GUCY2C: variants seen among roughly 807,000 people sequenced by gnomAD.
GUCY2C encodes the protein guanylate cyclase 2C, also known as guanylyl cyclase C.
In GUCY2C, 118 loss-of-function variants were observed where a neutral mutation model predicts 131.1. The observed-to-expected ratio is 0.90, with a 90% confidence interval of 0.78 to 1.05. GUCY2C has a LOEUF of 1.05. Ranked by LOEUF, GUCY2C falls within the 50% of genes least tolerant of loss-of-function variation. The pLI is 0.00. For missense variants in GUCY2C, 1,161 were observed against 1,304.4 expected, an observed-to-expected ratio of 0.89 and a Z score of 1.69; for synonymous variants, 452 against 457.8, an observed-to-expected ratio of 0.99 and a Z score of 0.16.
chr12:14,645,461 C>G, intron 15 of GUCY2C, 146 bp from the exon 16 acceptor site: 2 of 574,120 alleles, frequency 3.5e-6, no homozygotes, highest in Non-Finnish European at 6.2e-6. Context: ...ATTTCATGAA[C>G]CTGTGTTTTT....
At chr12:14,635,184 C>G (rs560110958) in intron 19 of GUCY2C, among the ~76,000 whole-genome samples, 1 of 152,160 alleles carries the variant, frequency 6.6e-6, no homozygotes, top group Non-Finnish European at 1.5e-5. Context: ...GCACATGGAA[C>G]ATTCTCCAGG....
intron 10 of GUCY2C, among the ~76,000 whole-genome samples, chr12:14,667,266 T>G (rs1295613480): frequency 6.6e-6 from 1 of 151,990 alleles, no homozygotes; most frequent in African/African-American, 2.4e-5. Context: ...AAGTTGAGAG[T>G]TGCAGAAGCC....
At chr12:14,643,925 A>G (rs980259156) in intron 16 of GUCY2C, among the ~76,000 whole-genome samples, 6 of 152,214 alleles carry the variant, frequency 3.9e-5, no homozygotes. Flanking sequence ...ATGACAGAGT[A>G]AAAGGGAATT....
intron 23 of GUCY2C, chr12:14,619,615 A>T (rs1488350530): frequency 3.7e-5 from 11 of 297,678 alleles, no homozygotes; most frequent in Middle Eastern, 1.0e-3. Context: ...CTCAGGAAGG[A>T]TGAAGATGAG....
chr12:14,673,044 G>C (rs1565629822), intron 8 of GUCY2C, 86 bp from the exon 9 acceptor site: 2 of 772,348 alleles, frequency 2.6e-6, no homozygotes, highest in East Asian at 5.0e-5. Context: ...TGTAAAATGG[G>C]TTCAAATAGC....
chr12:14,686,115 G>T, intron 3 of GUCY2C, 46 bp downstream of exon 3: 1 of 1,160,690 alleles, frequency 8.6e-7, no homozygotes, highest in South Asian at 1.2e-5. Context: ...AGTCCTTTAA[G>T]TTGCAATATC....
At chr12:14,689,016 T>C (rs553031104) in intron 1 of GUCY2C, among the ~76,000 whole-genome samples, 192 of 152,312 alleles carry the variant, frequency 1.3e-3, no homozygotes, top group African/African-American at 4.5e-3. Flanking sequence ...TGGAGGACTT[T>C]GAGCAGAGAA....
chr12:14,640,018 C>T (rs1947360556), intron 18 of GUCY2C, 68 bp from the exon 19 acceptor site: 1 of 1,058,872 alleles, frequency 9.4e-7, no homozygotes. Flanking sequence ...GGAATTTCAA[C>T]AGAAATCCAG....
intron 5 of GUCY2C, among the ~76,000 whole-genome samples, chr12:14,680,042 T>C (rs1308690735): frequency 6.6e-6 from 1 of 152,128 alleles, no homozygotes; most frequent in African/African-American, 2.4e-5. Context: ...AACTAGTAGA[T>C]GACAAAGACA....
chr12:14,631,387 CT>C (rs1947143636), intron 19 of GUCY2C, among the ~76,000 whole-genome samples: 1 of 147,006 alleles, frequency 6.8e-6, no homozygotes, highest in African/African-American at 2.5e-5. Flanking sequence ...CCCCCTCCCC[CT>C]ACCCCATAAC....
intron 15 of GUCY2C, among the ~76,000 whole-genome samples, chr12:14,651,166 C>T (rs1947650032): frequency 6.6e-6 from 1 of 152,058 alleles, no homozygotes; most frequent in Non-Finnish European, 1.5e-5. Flanking sequence ...ACTCATTTTT[C>T]CACTTCCATT....
chr12:14,613,441 C>T lies in GUCY2C; in HGVS notation c.3048-150G>A. ...GGAAATCCAAAGAATACAAAATGAT[C>T]CCTGCCTTTGATGAGCTTAAAAAAC... On this transcript the variant is annotated intron_variant, in intron 26 of 26. Transcript: ENST00000261170. The surrounding 1 kb of genome is among the most constrained non-coding windows in gnomAD (Gnocchi z 4.9). 1 of 657,348 alleles carries T rather than the reference C, an allele frequency of 1.5e-6. No individual in the cohort carries two copies. The highest frequency in any genetic ancestry group is 2.7e-6 in the Non-Finnish European group (1 of 375,074). 40.7% of individuals were successfully genotyped at this position (657,348 alleles called of 1,614,324 possible). A position where few individuals can be genotyped will look rare whatever the true frequency, so the allele number is the denominator to read the frequency against.
chr12:14,665,033 G>A (rs1414595160), intron 10 of GUCY2C, among the ~76,000 whole-genome samples: 1 of 152,058 alleles, frequency 6.6e-6, no homozygotes, highest in Non-Finnish European at 1.5e-5. Context: ...CCAACATGGT[G>A]AAACCCCGTC....
chr12:14,653,787 G>A (rs898147752), intron 12 of GUCY2C, among the ~76,000 whole-genome samples: 1 of 152,194 alleles, frequency 6.6e-6, no homozygotes, highest in African/African-American at 2.4e-5. Flanking sequence ...CGAGTGAAAT[G>A]ACTCTCTGAA....
intron 13 of GUCY2C, 47 bp downstream of exon 13, chr12:14,652,905 C>T (rs754704042): frequency 5.1e-5 from 65 of 1,278,002 alleles, no homozygotes; most frequent in South Asian, 3.9e-4. Flanking sequence ...GGTCAAAAGG[C>T]CCAGAGCATA....
chr12:14,685,352 G>C (rs1010814936), intron 3 of GUCY2C, among the ~76,000 whole-genome samples: 1 of 152,096 alleles, frequency 6.6e-6, no homozygotes, highest in African/African-American at 2.4e-5. Flanking sequence ...GTGGGTGTGA[G>C]GTGACAAAAG....
intron 21 of GUCY2C, among the ~76,000 whole-genome samples, chr12:14,624,364 C>G (rs1402030398): frequency 3.3e-5 from 5 of 152,092 alleles, no homozygotes; most frequent in Non-Finnish European, 5.9e-5. Flanking sequence ...TTGCTTGAAC[C>G]CAGGAGGCAG....
At chr12:14,663,731 A>G (rs564101140) in intron 10 of GUCY2C, among the ~76,000 whole-genome samples, 62 of 152,322 alleles carry the variant, frequency 4.1e-4, no homozygotes, top group African/African-American at 1.4e-3. Flanking sequence ...GGCACAGTCC[A>G]TGTCCTACTT....
At chr12:14,656,399 C>G in intron 12 of GUCY2C, 113 bp downstream of exon 12, 1 of 641,096 alleles carries the variant, frequency 1.6e-6, no homozygotes, top group East Asian at 2.5e-5. Context: ...GCATCTAAGT[C>G]TTGCTTTCTA....
Sources: allele counts gnomAD v4.1 joint callset (sites outside exome capture counted in the v4.1 genomes callset), GRCh38; gene constraint gnomAD v4.1.1; non-coding constraint Gnocchi (gnomAD v3.1); transcripts MANE v1.5; gene names NCBI Gene and HGNC (gene_info 2026-07-23, HGNC 2026-07-21).